The following EPC2 variants were observed in gnomAD, a reference collection of about 807,000 sequenced individuals.
EPC2 encodes enhancer of polycomb 2, also known as enhancer of polycomb homolog 2.
A neutral mutation model predicts 92.1 loss-of-function variants in EPC2; 14 were observed. That is an observed-to-expected ratio of 0.15 (90% CI 0.10 to 0.24). The LOEUF (loss-of-function observed/expected upper bound fraction) is 0.24. EPC2 is among the 10% of genes least tolerant of loss of function. The probability of loss-of-function intolerance (pLI) is 1.00; values close to 1 mark genes in which losing one functional copy is unlikely to be tolerated. For missense variants in EPC2, 755 were observed against 971.5 expected, an observed-to-expected ratio of 0.78 and a Z score of 2.96; for synonymous variants, 340 against 334.7, an observed-to-expected ratio of 1.02 and a Z score of -0.17.
At chr2:148,737,906 G>C (rs1191416702) in intron 2 of EPC2, among the ~76,000 whole-genome samples, 1 of 152,182 alleles carries the variant, frequency 6.6e-6, no homozygotes, top group Non-Finnish European at 1.5e-5. Flanking sequence ...GGCTGCATGC[G>C]GCCCGTGGGC....
chr2:148,765,561 A>G (rs541810345), intron 7 of EPC2, among the ~76,000 whole-genome samples: 1 of 152,332 alleles, frequency 6.6e-6, no homozygotes, highest in Non-Finnish European at 1.5e-5. Flanking sequence ...TGTGTTTTAT[A>G]ACTTTTAATG....
chr2:148,668,401 T>C (rs895406110), intron 1 of EPC2, among the ~76,000 whole-genome samples: 5 of 152,218 alleles, frequency 3.3e-5, no homozygotes, highest in African/African-American at 1.2e-4. Flanking sequence ...TGTAGTTTTC[T>C]TTCCTTCCAA....
At chr2:148,786,022 A>G (rs1017351552) in intron 13 of EPC2, among the ~76,000 whole-genome samples, 1 of 152,162 alleles carries the variant, frequency 6.6e-6, no homozygotes, top group Non-Finnish European at 1.5e-5. Flanking sequence ...CCTGTGATAC[A>G]TATTTCATAA....
At chr2:148,646,643 G>T (rs1683807872) in intron 1 of EPC2, among the ~76,000 whole-genome samples, 1 of 151,558 alleles carries the variant, frequency 6.6e-6, no homozygotes. Context: ...TTTTCCATGG[G>T]AAGGAAAATT....
intron 2 of EPC2, among the ~76,000 whole-genome samples, chr2:148,715,970 A>T (rs977167289): frequency 6.6e-6 from 1 of 151,936 alleles, no homozygotes; most frequent in African/African-American, 2.4e-5. Flanking sequence ...CAGGTATTTT[A>T]TTATTTTTGT....
At chr2:148,679,457 A>G (rs1047444358) in intron 1 of EPC2, among the ~76,000 whole-genome samples, 1 of 152,228 alleles carries the variant, frequency 6.6e-6, no homozygotes, top group Non-Finnish European at 1.5e-5. Flanking sequence ...TGAGAACTGT[A>G]AAACATTACA....
At chr2:148,668,482 G>A (rs1030778633) in intron 1 of EPC2, among the ~76,000 whole-genome samples, 3 of 152,002 alleles carry the variant, frequency 2.0e-5, no homozygotes, top group African/African-American at 7.3e-5. Flanking sequence ...TTCCTCCCTC[G>A]TCAGTATTTT....
chr2:148,752,526 G>A (rs934724019), intron 3 of EPC2, among the ~76,000 whole-genome samples: 3 of 152,094 alleles, frequency 2.0e-5, no homozygotes, highest in African/African-American at 7.2e-5. Flanking sequence ...CCACTTTAAG[G>A]ACCAAATGCA....
In EPC2 at chr2:148,657,440, A is replaced by G. The variant is rs374256791; in HGVS notation, c.153+12270A>G. On this transcript the variant is annotated intron_variant, in intron 1 of 13. Transcript: ENST00000258484. ...TGATTCTCAAGCTTTAGCATGCTTC[A>G]GAATCACCTAGAGGGCCTGTTAAAA... Among the ~76,000 whole-genome samples the G allele has an allele frequency of 5.3e-5, 8 of 152,246 alleles. No homozygotes were observed. The East Asian group carries it at 9.7e-4, about 18-fold the overall frequency.
intron 2 of EPC2, among the ~76,000 whole-genome samples, chr2:148,717,868 G>A (rs1682290307): frequency 6.6e-6 from 1 of 152,138 alleles, no homozygotes; most frequent in South Asian, 2.1e-4. Flanking sequence ...CACTATTATT[G>A]TGTGGGAGTC....
chr2:148,759,729 A>G (rs1187509554), intron 4 of EPC2, among the ~76,000 whole-genome samples: 3 of 152,222 alleles, frequency 2.0e-5, no homozygotes, highest in East Asian at 1.9e-4. Flanking sequence ...ATACATACAT[A>G]TATGTATACA....
At chr2:148,729,467 A>G (rs1004347066) in intron 2 of EPC2, among the ~76,000 whole-genome samples, 2 of 152,180 alleles carry the variant, frequency 1.3e-5, no homozygotes, top group African/African-American at 4.8e-5. Flanking sequence ...GAAGTACATT[A>G]TTATTAACTA....
intron 1 of EPC2, among the ~76,000 whole-genome samples, chr2:148,682,140 G>A (rs1681411854): frequency 1.3e-5 from 2 of 152,186 alleles, no homozygotes. Context: ...ATTTGGGTTG[G>A]TTCCAAGTCT....
intron 2 of EPC2, among the ~76,000 whole-genome samples, chr2:148,737,950 A>G (rs60661019): frequency 0.035 from 5,271 of 152,260 alleles, 299 homozygotes; most frequent in African/African-American, 0.12. Context: ...GAGTCTTTAG[A>G]TGGGGCCAAG....
intron 2 of EPC2, among the ~76,000 whole-genome samples, chr2:148,734,903 T>C (rs1322379627): frequency 6.6e-6 from 1 of 151,946 alleles, no homozygotes; most frequent in Non-Finnish European, 1.5e-5. Context: ...TAATTTCATG[T>C]TCTACAGTTT....
intron 2 of EPC2, among the ~76,000 whole-genome samples, chr2:148,730,702 C>T (rs1240195974): frequency 1.3e-5 from 2 of 152,156 alleles, no homozygotes; most frequent in African/African-American, 4.8e-5. Flanking sequence ...CCATGATCTC[C>T]TTAGGGTTGA....
At chr2:148,763,721 C>G (rs1396716653) in intron 6 of EPC2, among the ~76,000 whole-genome samples, 9 of 152,196 alleles carry the variant, frequency 5.9e-5, no homozygotes, top group Admixed American at 2.6e-4. Flanking sequence ...CATCCTGATT[C>G]TCTCTAAATC....
intron 2 of EPC2, among the ~76,000 whole-genome samples, chr2:148,728,997 A>T (rs1682560992): frequency 7.9e-6 from 1 of 126,854 alleles, no homozygotes; most frequent in Admixed American, 1.0e-4. Context: ...GCGCCACTGT[A>T]CTCCAGCCTG....
intron 2 of EPC2, among the ~76,000 whole-genome samples, chr2:148,702,389 T>C (rs971659835): frequency 2.6e-5 from 4 of 152,190 alleles, no homozygotes; most frequent in African/African-American, 9.7e-5. Flanking sequence ...TTAGAGGAAT[T>C]TCAAAGCCAG....
Sources: gnomAD v4.1 joint callset for allele counts (sites outside exome capture counted in the v4.1 genomes callset) on GRCh38, gnomAD v4.1.1 for gene constraint, MANE v1.5 for transcripts, NCBI Gene and HGNC (gene_info 2026-07-23, HGNC 2026-07-21) for gene names.